H2BC18: variants seen among roughly 807,000 people sequenced by gnomAD.
The protein encoded by H2BC18 is H2B clustered histone 18.
In H2BC18, 8 loss-of-function variants were observed where a neutral mutation model predicts 6.3. The observed-to-expected ratio is 1.28, with a 90% CI of 0.75 to 2.31. The LOEUF (loss-of-function observed/expected upper bound fraction) is 2.31. H2BC18 is among the 30% of genes most tolerant of loss of function. The pLI, the probability that H2BC18 is intolerant of heterozygous loss-of-function variation, is 0.00. For synonymous variants in H2BC18, 104 were observed against 78.1 expected (o/e 1.33, Z -1.75); for missense variants, 106 against 174.5 (o/e 0.61, Z 2.21).
chr1:149,800,350 C>T (rs2091853556), intron 1 of H2BC18, among the ~76,000 whole-genome samples: 2 of 151,914 alleles, frequency 1.3e-5, no homozygotes, highest in Admixed American at 1.3e-4. Context: ...ACTGATTAAA[C>T]CATTGGCCAT....
downstream of H2BC18, among the ~76,000 whole-genome samples, chr1:149,808,993 T>C (rs587746887): frequency 6.9e-6 from 1 of 145,734 alleles, no homozygotes; most frequent in East Asian, 2.0e-4. Flanking sequence ...ACATTATTTG[T>C]CTAAAAATTA....
At chr1:149,790,097 A>G (rs587622461) in intron 1 of H2BC18, 1 of 1,613,550 alleles carries the variant, frequency 6.2e-7, no homozygotes, top group Admixed American at 1.7e-5. Flanking sequence ...TGACATCCCC[A>G]CTCCTGGAGG....
downstream of H2BC18, chr1:149,811,225 T>C (rs1314148133): frequency 6.5e-6 from 1 of 154,290 alleles, no homozygotes; most frequent in African/African-American, 2.4e-5. Flanking sequence ...TGCTTAGCAC[T>C]CCTGGCCTCT....
intron 1 of H2BC18, chr1:149,792,908 C>T (rs1320957187): frequency 2.4e-6 from 3 of 1,267,644 alleles, no homozygotes; most frequent in Non-Finnish European, 1.0e-6. Flanking sequence ...ATCCCAACGT[C>T]ATTGTTTCCT....
intron 1 of H2BC18, chr1:149,793,054 C>G (rs12565570): frequency 4.8e-6 from 6 of 1,261,494 alleles, no homozygotes; most frequent in African/African-American, 1.6e-5. Context: ...CCCGGCGCGG[C>G]GCCACCTGGC....
In H2BC18 at chr1:149,812,168, G is replaced by A; in HGVS notation, c.156C>T (p.Asp52=). 1.2e-6 allele frequency: 2 copies of A among 1,614,282 alleles called. No homozygotes were observed. The highest frequency in any genetic ancestry group is 1.7e-6 in the Non-Finnish European group (2 of 1,180,054). ...VYKVLKQVHP[D]TGISSKAMGI... is the part of the protein sequence containing the mutation. ...CCATGGCCTTGGACGAGATGCCGGT[G>A]TCGGGGTGGACCTGCTTCAGCACCT... is the stretch of plus-strand genomic sequence containing the variant. The change falls in exon 1 of 1, where the codon GAC becomes GAT. Residue 52 remains aspartate (D), a synonymous_variant. Transcript: ENST00000369167.
Position 149,790,416 on chromosome 1 carries a change from G to C in H2BC18, c.378-7156C>G. Reference sequence around the variant, plus strand: ...TCCCATGGGACTGAGGTTTGTTCAAGGGTTTTTGGCCCAGACAGGAGGGGA... The same window carrying C: ...TCCCATGGGACTGAGGTTTGTTCAACGGTTTTTGGCCCAGACAGGAGGGGA... On this transcript the variant is annotated intron_variant, in intron 1 of 1. Coordinates refer to the H2BC18 transcript ENST00000545683. 28 of 1,547,794 alleles carry C rather than the reference G, an allele frequency of 1.8e-5. No homozygotes were observed. In the South Asian group the frequency reaches 3.2e-4, roughly 18 times the overall value.
rs782268503 is a variant in H2BC18 at position 149,812,099 on chromosome 1, C to T, written c.225G>A (p.Ala75=). The T allele has an allele frequency of 3.1e-6, 5 of 1,614,260 alleles. No individual in the cohort carries two copies. The highest frequency in any genetic ancestry group is 1.3e-5 in the African/African-American group (1 of 75,076). The change falls in exon 1 of 1, where the codon GCG becomes GCA. Residue 75 remains alanine, a synonymous_variant. Transcript: ENST00000369167. Reference sequence around the variant, plus strand: ...AGTGCGCCAGGCGGGACGCCTCTCCCGCGATGCGCTCGAAGATGTCGTTGA... The same window carrying T: ...AGTGCGCCAGGCGGGACGCCTCTCCTGCGATGCGCTCGAAGATGTCGTTGA... ...SFVNDIFERI[A]GEASRLAHYN... is the part of the protein sequence containing the mutation.
chr1:149,810,379 T>C (rs2091961229), downstream of H2BC18: 1 of 151,474 alleles, frequency 6.6e-6, no homozygotes, highest in Admixed American at 6.6e-5. Flanking sequence ...GAATCTTTAT[T>C]TTCTAGTGGA....
chr1:149,791,454 G>C, intron 1 of H2BC18: 1 of 1,608,192 alleles, frequency 6.2e-7, no homozygotes. Context: ...TGAAATGTCA[G>C]GAACAAAAAG....
intron 1 of H2BC18, chr1:149,790,252 A>T (rs1553751577): frequency 6.2e-7 from 1 of 1,605,710 alleles, no homozygotes; most frequent in Admixed American, 1.7e-5. Context: ...GCTAGAAGAG[A>T]AGACTCTGGG....
chr1:149,785,500 T>C (rs2091524099), intron 1 of H2BC18, among the ~76,000 whole-genome samples: 1 of 132,942 alleles, frequency 7.5e-6, no homozygotes, highest in African/African-American at 2.8e-5. Context: ...CACTGCAACC[T>C]CTGACAGAGC....
At chr1:149,793,854 C>T (rs1421554017) in intron 1 of H2BC18, 5 of 1,267,470 alleles carry the variant, frequency 3.9e-6, no homozygotes, top group Non-Finnish European at 5.1e-6. Flanking sequence ...ATCCCCAAAG[C>T]AGACCAACCG....
At chr1:149,796,499 C>T (rs2091802104) in intron 1 of H2BC18, among the ~76,000 whole-genome samples, 1 of 152,186 alleles carries the variant, frequency 6.6e-6, no homozygotes, top group African/African-American at 2.4e-5. Flanking sequence ...CAGAAAAATA[C>T]TTCGAAGAGG....
chr1:149,812,219 C>T lies in H2BC18; in HGVS notation c.105G>A (p.Lys35=). The T allele has an allele frequency of 5.6e-6, 9 of 1,614,268 alleles. No homozygotes were observed. The highest frequency in any genetic ancestry group is 1.1e-5 in the South Asian group (1 of 91,090). ...TGTACACGTAAACGGAGTAGCTCTCCTTGCGGCTGCGCTTGCGCTTCTTGC... is the reference window on the plus strand; with the variant it reads ...TGTACACGTAAACGGAGTAGCTCTCTTTGCGGCTGCGCTTGCGCTTCTTGC... The part of the protein sequence containing the change: ...KDGKKRKRSR[K]ESYSVYVYKV... The change falls in exon 1 of 1, where the codon AAG becomes AAA. Residue 35 remains lysine (K), a synonymous_variant. Coordinates refer to ENST00000369167, the MANE Select transcript of H2BC18 (RefSeq NM_001024599.5).
chr1:149,788,737 G>A (rs1553751266), intron 1 of H2BC18: 2 of 1,211,180 alleles, frequency 1.7e-6, no homozygotes, highest in Admixed American at 4.4e-5. Context: ...GAGGTAAACT[G>A]CATTACTAAA....
chr1:149,801,582 G>T (rs2091871160), intron 1 of H2BC18, among the ~76,000 whole-genome samples: 1 of 140,004 alleles, frequency 7.1e-6, no homozygotes, highest in South Asian at 2.4e-4. Context: ...ACATCCTAAA[G>T]AGCAGAGCCA....
chr1:149,784,100 G>A (rs1553750507), intron 1 of H2BC18: 2 of 1,611,618 alleles, frequency 1.2e-6, no homozygotes, highest in Admixed American at 1.7e-5. Flanking sequence ...ATCTGCCTGG[G>A]AGCAGCTCTA....
chr1:149,807,473 C>T (rs1183677563), downstream of H2BC18, among the ~76,000 whole-genome samples: 1 of 126,890 alleles, frequency 7.9e-6, no homozygotes, highest in Admixed American at 1.1e-4. Flanking sequence ...GACTGGGTGA[C>T]AGAGCAAGAC....
Sources: allele counts gnomAD v4.1 joint callset (sites outside exome capture counted in the v4.1 genomes callset), GRCh38; gene constraint gnomAD v4.1.1; transcripts MANE v1.5; gene names NCBI Gene and HGNC (gene_info 2026-07-23, HGNC 2026-07-21).